Variants in CYP7B1 observed in about 807,000 individuals in gnomAD.
CYP7B1 encodes cytochrome P450 family 7 subfamily B member 1, also known as cytochrome P450 7B1.
A neutral mutation model predicts 42.7 loss-of-function variants in CYP7B1; 29 were observed. That is an observed-to-expected ratio of 0.68 (90% confidence interval 0.51 to 0.93). The LOEUF (loss-of-function observed/expected upper bound fraction) is 0.93. Ranked by LOEUF, CYP7B1 falls within the 40% of genes least tolerant of loss-of-function variation. The pLI is 0.00. For missense variants in CYP7B1, 655 were observed against 600.5 expected (o/e 1.09, Z -0.95); for synonymous variants, 235 against 218.2 (o/e 1.08, Z -0.68).
intron 1 of CYP7B1, among the ~76,000 whole-genome samples, chr8:64,787,042 G>T (rs929982176): frequency 2.6e-5 from 4 of 152,226 alleles, no homozygotes; most frequent in African/African-American, 4.8e-5. Flanking sequence ...GTCCTAGGCT[G>T]CACAGAGCAG....
intron 1 of CYP7B1, among the ~76,000 whole-genome samples, chr8:64,720,190 C>CA (rs1047394289): frequency 6.6e-6 from 1 of 151,998 alleles, no homozygotes. Context: ...TAGAGACACA[C>CA]AGGTATGGTC....
downstream of CYP7B1, among the ~76,000 whole-genome samples, chr8:64,586,630 A>G (rs1804972165): frequency 6.6e-6 from 1 of 152,248 alleles, no homozygotes; most frequent in Non-Finnish European, 1.5e-5. Flanking sequence ...CATGGAAAGC[A>G]GGAGTGGGAG....
chr8:64,748,272 T>G (rs1429000681), intron 1 of CYP7B1, among the ~76,000 whole-genome samples: 1 of 152,184 alleles, frequency 6.6e-6, no homozygotes, highest in African/African-American at 2.4e-5. Context: ...CATCTTTAAA[T>G]GCACACAGAC....
rs1805575592 is a variant in CYP7B1 at position 64,624,406 on chromosome 8, C to T, written c.256G>A (p.Gly86Ser). The stretch of plus-strand genomic sequence containing the variant: ...TATTAATAGAAGTGCTTCTTACCAC[C>T]AAGAAGAACTGTGAAAGTGTCACCA... ...QHGDTFTVLL[G>S]GKYITFILDP... Residue 86 changes from glycine (G) to serine (S), a missense_variant, in exon 2 of 6, where the codon GGT (glycine) becomes AGT (serine). Transcript: ENST00000310193. 6.2e-7 allele frequency: 1 copy of T among 1,613,128 alleles called. No homozygotes were observed. The highest frequency in any genetic ancestry group is 1.3e-5 in the African/African-American group (1 of 74,780).
chr8:64,747,209 TTAAA>T (rs1378861164), intron 1 of CYP7B1, among the ~76,000 whole-genome samples: 7 of 143,824 alleles, frequency 4.9e-5, no homozygotes, highest in South Asian at 2.1e-4. Context: ...TATTTATATA[TTAAA>T]TATAGTATTT....
intron 4 of CYP7B1, among the ~76,000 whole-genome samples, chr8:64,607,811 T>A (rs1279180710): frequency 6.6e-6 from 1 of 152,248 alleles, no homozygotes; most frequent in Non-Finnish European, 1.5e-5. Context: ...GTATAATGGA[T>A]TGTTAATTTA....
chr8:64,684,243 G>A lies in CYP7B1; in HGVS notation c.123-59704C>T, dbSNP rs572373837. ...TGAGTAAGATGACATAGCATAAGAG[G>A]GGCAGCAGAGTGTGGTAGTATAAAT... On this transcript the variant is annotated intron_variant, in intron 1 of 5. Coordinates refer to ENST00000310193, the MANE Select transcript of CYP7B1 (RefSeq NM_004820.5). Among the ~76,000 whole-genome samples, 7 of 152,286 alleles carry A rather than the reference G, an allele frequency of 4.6e-5. No individual in the cohort carries two copies. The East Asian group carries it at 1.3e-3, about 29-fold the overall frequency.
intron 1 of CYP7B1, among the ~76,000 whole-genome samples, chr8:64,752,757 T>TCA (rs919551407): frequency 6.6e-6 from 1 of 152,174 alleles, no homozygotes; most frequent in East Asian, 1.9e-4. Flanking sequence ...GGGTCAAATT[T>TCA]TATATATATG....
chr8:64,719,032 C>G (rs975893593), intron 1 of CYP7B1, among the ~76,000 whole-genome samples: 1 of 152,126 alleles, frequency 6.6e-6, no homozygotes, highest in Non-Finnish European at 1.5e-5. Flanking sequence ...TCATAACACA[C>G]AGTTTTGGTA....
Position 64,604,645 on chromosome 8 carries a change from C to T in CYP7B1, c.1233+37G>A, listed in dbSNP as rs375523044. On this transcript the variant is annotated intron_variant, in intron 5 of 5. Transcript: ENST00000310193. ...TGGAAGAGGAATGTGCCCACAGGAT[C>T]TAAGAAGTAGCAATCATAGGCTTGA... is the stretch of plus-strand genomic sequence containing the variant. 36 of 1,612,128 alleles carry T rather than the reference C, an allele frequency of 2.2e-5. No individual in the cohort carries two copies. In the African/African-American group the frequency reaches 3.5e-4, roughly 16 times the overall value.
chr8:64,758,200 G>A (rs4634679), intron 1 of CYP7B1, among the ~76,000 whole-genome samples: 5,860 of 152,172 alleles, frequency 0.039, 379 homozygotes, highest in African/African-American at 0.13. Context: ...CCCCTTTATG[G>A]AGGAAAAATA....
rs775016278 is a variant in CYP7B1 at position 64,616,293 on chromosome 8, AAAAG to A, written c.260-16_260-13del. The A allele has an allele frequency of 2.2e-5, 33 of 1,498,582 alleles. No homozygotes were observed. The highest frequency in any genetic ancestry group is 8.9e-5 in the Admixed American group (5 of 56,336). 92.8% of individuals were successfully genotyped at this position (1,498,582 alleles called of 1,614,324 possible). On this transcript the variant is annotated splice_polypyrimidine_tract_variant and intron_variant, in intron 2 of 5. Transcript: ENST00000310193. ...TGTTATGTACTTTCCTAGAAAAAAAAAAAGAGAGAGAAAATATGAGTTCGTTTGT... is the reference window on the plus strand; with the variant it reads ...TGTTATGTACTTTCCTAGAAAAAAAAAGAGAGAAAATATGAGTTCGTTTGT...
rs373033263 is a variant in CYP7B1 at position 64,695,276 on chromosome 8, G to A, written c.123-70737C>T. Among the ~76,000 whole-genome samples the A allele has an allele frequency of 4.7e-4, 71 of 152,234 alleles. 1 individual carries two copies. In the Middle Eastern group the frequency reaches 0.01, roughly 22 times the overall value. On this transcript the variant is annotated intron_variant, in intron 1 of 5. Coordinates refer to ENST00000310193, the MANE Select transcript of CYP7B1 (RefSeq NM_004820.5). ...AGAGGTCTGAGGACTGACCGGACAT[G>A]AGCCACAATTACCCTCTCACCCTGG...
At chr8:64,656,047 G>A (rs181548980) in intron 1 of CYP7B1, among the ~76,000 whole-genome samples, 14,740 of 152,000 alleles carry the variant, frequency 0.097, 836 homozygotes, top group South Asian at 0.16. Flanking sequence ...AGCAGAAAAG[G>A]TAACTATTGG....
At chr8:64,666,944 C>T (rs988375180) in intron 1 of CYP7B1, among the ~76,000 whole-genome samples, 1 of 152,192 alleles carries the variant, frequency 6.6e-6, no homozygotes, top group East Asian at 1.9e-4. Context: ...AATGTCTTTA[C>T]AACTCTACAG....
intron 1 of CYP7B1, among the ~76,000 whole-genome samples, chr8:64,660,572 A>T (rs144858586): frequency 6.6e-6 from 1 of 152,322 alleles, no homozygotes; most frequent in Non-Finnish European, 1.5e-5. Context: ...GCCTCATGAC[A>T]CAAGAACTGG....
intron 1 of CYP7B1, among the ~76,000 whole-genome samples, chr8:64,765,062 G>T (rs1807950870): frequency 6.6e-6 from 1 of 151,452 alleles, no homozygotes; most frequent in Admixed American, 6.6e-5. Flanking sequence ...CCTAATAATT[G>T]GTCTGCTGAA....
chr8:64,661,152 G>A (rs749973674), intron 1 of CYP7B1, among the ~76,000 whole-genome samples: 1 of 152,160 alleles, frequency 6.6e-6, no homozygotes, highest in Non-Finnish European at 1.5e-5. Context: ...AGAAGGATAA[G>A]GTTTTGATGG....
intron 1 of CYP7B1, among the ~76,000 whole-genome samples, chr8:64,711,796 C>T (rs960958070): frequency 2.6e-5 from 4 of 152,284 alleles, no homozygotes; most frequent in Admixed American, 1.3e-4. Flanking sequence ...GATATCTACT[C>T]AGTCATCAAA....
Sources: gnomAD v4.1 joint callset for allele counts (sites outside exome capture counted in the v4.1 genomes callset) on GRCh38, gnomAD v4.1.1 for gene constraint, MANE v1.5 for transcripts, NCBI Gene and HGNC (gene_info 2026-07-23, HGNC 2026-07-21) for gene names.